The following CCDC102B variants were observed in gnomAD, a reference collection of about 807,000 sequenced individuals.
The protein encoded by CCDC102B is coiled-coil domain containing 102B.
CCDC102B carries 75 observed loss-of-function variants against 57.4 expected under a neutral mutation model. The ratio of observed to expected loss-of-function variants is 1.31; its 90% CI spans 1.08 to 1.58. CCDC102B has a LOEUF of 1.58. Ranked by LOEUF, CCDC102B falls within the 40% of genes most tolerant of loss-of-function variation. The pLI, the probability that CCDC102B is intolerant of heterozygous loss-of-function variation, is 0.00. For missense variants in CCDC102B, 636 were observed against 582.6 expected (o/e 1.09, Z -0.94); for synonymous variants, 206 against 201.9 (o/e 1.02, Z -0.17).
At chr18:68,805,063 T>C (rs1478426266) in intron 1 of CCDC102B, among the ~76,000 whole-genome samples, 3 of 152,040 alleles carry the variant, frequency 2.0e-5, no homozygotes, top group Non-Finnish European at 4.4e-5. Context: ...TAATTCTCTA[T>C]AAAAACAGAC....
chr18:68,885,488 G>A (rs2144973570), intron 5 of CCDC102B, among the ~76,000 whole-genome samples: 1 of 152,130 alleles, frequency 6.6e-6, no homozygotes, highest in East Asian at 1.9e-4. Context: ...CTGCCTGAAA[G>A]CAAGCAGTGA....
intron 2 of CCDC102B, among the ~76,000 whole-genome samples, chr18:68,737,859 G>T (rs576680035): frequency 6.6e-6 from 1 of 152,084 alleles, no homozygotes; most frequent in South Asian, 2.1e-4. Flanking sequence ...TGTTCCTCTT[G>T]GTGGAAGTGA....
chr18:68,950,016 A>G (rs1278553480), intron 6 of CCDC102B, among the ~76,000 whole-genome samples: 2 of 152,156 alleles, frequency 1.3e-5, no homozygotes, highest in Admixed American at 6.6e-5. Context: ...AGATTTTTCT[A>G]TCAATTCATA....
chr18:68,716,378 G>C (rs1043106763), intron 1 of CCDC102B: 2 of 151,764 alleles, frequency 1.3e-5, no homozygotes, highest in African/African-American at 4.8e-5. Context: ...TTGCGTTACA[G>C]TTTAAGTTCA....
chr18:68,989,998 A>G (rs1290149712), intron 6 of CCDC102B, among the ~76,000 whole-genome samples: 1 of 152,212 alleles, frequency 6.6e-6, no homozygotes, highest in Admixed American at 6.5e-5. Flanking sequence ...ATGCATGTCC[A>G]GCTCCTCTGT....
At chr18:68,938,221 G>A (rs776814946) in intron 6 of CCDC102B, among the ~76,000 whole-genome samples, 2 of 152,030 alleles carry the variant, frequency 1.3e-5, no homozygotes, top group South Asian at 2.1e-4. Context: ...TGAAAAAAGT[G>A]TAAGGACATA....
chr18:68,826,193 G>T (rs2036896558), intron 1 of CCDC102B, among the ~76,000 whole-genome samples: 3 of 152,206 alleles, frequency 2.0e-5, no homozygotes, highest in Admixed American at 6.5e-5. Flanking sequence ...TACATGTGTG[G>T]CTTAATTGAA....
At chr18:68,921,751 A>G (rs2041290890) in intron 6 of CCDC102B, among the ~76,000 whole-genome samples, 1 of 152,176 alleles carries the variant, frequency 6.6e-6, no homozygotes, top group Non-Finnish European at 1.5e-5. Flanking sequence ...ACAAGGGACT[A>G]ACTCTGCCAC....
intron 6 of CCDC102B, chr18:68,908,451 CGA>C (rs2040722274): frequency 1.3e-5 from 2 of 152,056 alleles, no homozygotes; most frequent in African/African-American, 4.8e-5. Flanking sequence ...GATTCTGTGG[CGA>C]GATGGACACT....
chr18:68,815,368 A>G (rs1439582014), intron 1 of CCDC102B, among the ~76,000 whole-genome samples: 1 of 152,314 alleles, frequency 6.6e-6, no homozygotes, highest in African/African-American at 2.4e-5. Flanking sequence ...AGGTATATGC[A>G]TTGGGGCAAT....
chr18:68,950,991 G>T (rs901424357), intron 6 of CCDC102B, among the ~76,000 whole-genome samples: 8 of 152,108 alleles, frequency 5.3e-5, no homozygotes, highest in Non-Finnish European at 1.5e-5. Flanking sequence ...TACTGGAAAT[G>T]TAAATATATA....
chr18:68,755,353 C>T (rs2034009659), intron 2 of CCDC102B, among the ~76,000 whole-genome samples: 2 of 152,106 alleles, frequency 1.3e-5, no homozygotes, highest in Admixed American at 1.3e-4. Context: ...ACAGGCCCCG[C>T]TGTGGCTGAT....
chr18:68,851,320 T>G (rs1349216863), intron 4 of CCDC102B, among the ~76,000 whole-genome samples: 1 of 152,170 alleles, frequency 6.6e-6, no homozygotes, highest in African/African-American at 2.4e-5. Context: ...TTATCCATTA[T>G]GAAAATCTGT....
At chr18:68,723,576 A>C (rs2032456742) in intron 2 of CCDC102B, among the ~76,000 whole-genome samples, 1 of 152,188 alleles carries the variant, frequency 6.6e-6, no homozygotes, top group African/African-American at 2.4e-5. Context: ...TACGGGCCCC[A>C]TGCAAGTCCG....
chr18:68,874,210 G>A (rs71370807), intron 4 of CCDC102B, among the ~76,000 whole-genome samples: 80,625 of 126,036 alleles, frequency 0.64, 23,304 homozygotes, highest in South Asian at 0.66. Flanking sequence ...GTGTGTGTGT[G>A]TGTATATATA....
At chr18:68,827,394 A>C (rs2144755963) in intron 1 of CCDC102B, among the ~76,000 whole-genome samples, 1 of 152,216 alleles carries the variant, frequency 6.6e-6, no homozygotes, top group South Asian at 2.1e-4. Context: ...AAAGAGAAAT[A>C]AGTTTTCCAT....
intron 2 of CCDC102B, among the ~76,000 whole-genome samples, chr18:68,788,925 G>C (rs973390851): frequency 2.6e-5 from 4 of 152,114 alleles, no homozygotes; most frequent in East Asian, 1.9e-4. Context: ...TTCCTACTCT[G>C]GATGGTCTTT....
At chr18:69,035,583 C>G (rs2052269079) in intron 7 of CCDC102B, among the ~76,000 whole-genome samples, 1 of 152,030 alleles carries the variant, frequency 6.6e-6, no homozygotes, top group East Asian at 1.9e-4. Flanking sequence ...GTAACAAATG[C>G]TATATACATA....
chr18:68,853,370 A>G (rs954616343), intron 4 of CCDC102B, among the ~76,000 whole-genome samples: 1 of 152,086 alleles, frequency 6.6e-6, no homozygotes, highest in African/African-American at 2.4e-5. Context: ...ACTCAATTTC[A>G]TTGTCAAAAA....
Sources: allele counts gnomAD v4.1 joint callset (sites outside exome capture counted in the v4.1 genomes callset), GRCh38; gene constraint gnomAD v4.1.1; transcripts MANE v1.5; gene names NCBI Gene and HGNC (gene_info 2026-07-23, HGNC 2026-07-21).